Variants in PTPRD observed in about 807,000 individuals in gnomAD.
PTPRD encodes receptor-type tyrosine-protein phosphatase delta.
A neutral mutation model predicts 214.5 loss-of-function variants in PTPRD; 34 were observed. The observed-to-expected ratio is 0.16, with a 90% confidence interval of 0.12 to 0.21. PTPRD has a LOEUF of 0.21. PTPRD is among the 10% of genes least tolerant of loss of function. The pLI is 1.00. For synonymous variants in PTPRD, 1,128 were observed against 845.7 expected (o/e 1.33, Z -5.79); for missense variants, 2,545 against 2,398.7 (o/e 1.06, Z -1.27).
chr9:9,056,474 T>C (rs1459383524), intron 10 of PTPRD, among the ~76,000 whole-genome samples: 1 of 152,218 alleles, frequency 6.6e-6, no homozygotes, highest in African/African-American at 2.4e-5. Flanking sequence ...TTTGAATTCC[T>C]CATCTGATCA....
intron 4 of PTPRD, among the ~76,000 whole-genome samples, chr9:9,964,043 GAC>G (rs2094520889): frequency 9.7e-6 from 1 of 103,332 alleles, no homozygotes; most frequent in African/African-American, 2.7e-5. Context: ...GACAGAGCCA[GAC>G]AGAGGCAGAG....
In PTPRD at chr9:8,711,319, T is replaced by C. The variant is rs923985146; in HGVS notation, c.64+22461A>G. On this transcript the variant is annotated intron_variant, in intron 12 of 45. Coordinates refer to ENST00000381196, the MANE Select transcript of PTPRD (RefSeq NM_002839.4). ...GCCTTTTAATCAAATATATAATTAT[T>C]AAAATATTCTTGAGGGATATAATTG... 2.0e-5 allele frequency among the ~76,000 whole-genome samples: 3 copies of C among 152,098 alleles called. No homozygotes were observed. The South Asian group carries it at 6.2e-4, about 31-fold the overall frequency.
chr9:9,354,264 A>G (rs371737854), intron 9 of PTPRD, among the ~76,000 whole-genome samples: 1 of 151,864 alleles, frequency 6.6e-6, no homozygotes, highest in African/African-American at 2.4e-5. Flanking sequence ...TGGGATTTGT[A>G]CAGGGACATG....
chr9:9,484,712 CA>C (rs1420050265), intron 8 of PTPRD, among the ~76,000 whole-genome samples: 1 of 152,016 alleles, frequency 6.6e-6, no homozygotes, highest in African/African-American at 2.4e-5. Flanking sequence ...AAGGAAGAAA[CA>C]AAATTTTACG....
chr9:8,794,135 T>C (rs1472924558), intron 11 of PTPRD, among the ~76,000 whole-genome samples: 1 of 127,042 alleles, frequency 7.9e-6, no homozygotes, highest in Non-Finnish European at 1.8e-5. Context: ...TTTTTCCCCC[T>C]GTATTTGTGG....
chr9:10,015,406 G>T (rs1055234666), intron 4 of PTPRD, among the ~76,000 whole-genome samples: 4 of 117,656 alleles, frequency 3.4e-5, no homozygotes, highest in Admixed American at 1.7e-4. Context: ...ATGTGTCTAT[G>T]TGAAAATAAT....
At chr9:9,990,756 T>C (rs2095884026) in intron 4 of PTPRD, among the ~76,000 whole-genome samples, 1 of 152,212 alleles carries the variant, frequency 6.6e-6, no homozygotes, top group South Asian at 2.1e-4. Context: ...TTGGGCATTA[T>C]TACAAATATC....
At chr9:9,238,598 TAGTAGC>T (rs2099968538) in intron 9 of PTPRD, among the ~76,000 whole-genome samples, 2 of 152,062 alleles carry the variant, frequency 1.3e-5, no homozygotes, top group Non-Finnish European at 2.9e-5. Flanking sequence ...ACTTAAGAGC[TAGTAGC>T]ATGCTCACCA....
In PTPRD at chr9:9,797,885, T is replaced by C. The variant is rs150059100; in HGVS notation, c.-367-31034A>G. Among the ~76,000 whole-genome samples, 1,013 of 152,050 alleles carry C rather than the reference T, an allele frequency of 6.7e-3. 10 individuals carry two copies. The highest frequency in any genetic ancestry group is 0.023 in the African/African-American group (965 of 41,480). ...AAATAAAAAAAATCATCCTCTGTCA[T>C]AAAATTGGGAAGGAAGTAGTAATAA... On this transcript the variant is annotated intron_variant, in intron 5 of 45. Coordinates refer to ENST00000381196, the MANE Select transcript of PTPRD (RefSeq NM_002839.4).
intron 5 of PTPRD, 113 bp downstream of exon 5, chr9:9,938,394 T>C (rs2090313267): frequency 6.6e-6 from 1 of 152,312 alleles, no homozygotes; most frequent in South Asian, 2.1e-4. Context: ...TTTTCGTATT[T>C]TGAAAGCGTA....
intron 2 of PTPRD, among the ~76,000 whole-genome samples, chr9:10,553,657 G>A (rs900469246): frequency 1.3e-5 from 2 of 152,026 alleles, no homozygotes; most frequent in East Asian, 1.9e-4. Flanking sequence ...AAAGTGGCAT[G>A]TATAAATCAA....
At chr9:8,625,914 G>T (rs1481471539) in intron 14 of PTPRD, among the ~76,000 whole-genome samples, 1 of 150,280 alleles carries the variant, frequency 6.7e-6, no homozygotes, top group African/African-American at 2.4e-5. Context: ...AACATATTAA[G>T]AATATGGGAT....
chr9:10,106,582 A>T (rs569282636), intron 3 of PTPRD, among the ~76,000 whole-genome samples: 1 of 152,076 alleles, frequency 6.6e-6, no homozygotes, highest in African/African-American at 2.4e-5. Context: ...CTCAGCCTCT[A>T]ACAAGAAGTA....
rs558536215 is a variant in PTPRD at position 8,488,203 on chromosome 9, T to C, written c.2468-1854A>G. ...CCTCAGAGATGGACTGATTAGCCTCTTCATTTTGTATTTCAGAAAGTGAAA... is the reference window on the plus strand; with the variant it reads ...CCTCAGAGATGGACTGATTAGCCTCCTCATTTTGTATTTCAGAAAGTGAAA... On this transcript the variant is annotated intron_variant, in intron 27 of 45. Transcript: ENST00000381196. Among the ~76,000 whole-genome samples, 5 of 152,308 alleles carry C rather than the reference T, an allele frequency of 3.3e-5. No homozygotes were observed. The East Asian group carries it at 9.6e-4, about 29-fold the overall frequency.
chr9:10,495,904 C>T (rs1291181647), intron 2 of PTPRD, among the ~76,000 whole-genome samples: 1 of 151,412 alleles, frequency 6.6e-6, no homozygotes, highest in African/African-American at 2.4e-5. Flanking sequence ...ATTTTACTAC[C>T]ATATAGAGAA....
Position 8,473,069 on chromosome 9 carries a change from A to G in PTPRD, c.3414-1984T>C, listed in dbSNP as rs2096687575. Among the ~76,000 whole-genome samples the G allele has an allele frequency of 2.0e-5, 3 of 152,168 alleles. No individual in the cohort carries two copies. The South Asian group carries it at 6.2e-4, about 32-fold the overall frequency. ...CAGGCCGGAGAGACGCATCTGAACTATCTTATTCAGTAAGACTGCATGAAA... is the reference window on the plus strand; with the variant it reads ...CAGGCCGGAGAGACGCATCTGAACTGTCTTATTCAGTAAGACTGCATGAAA... On this transcript the variant is annotated intron_variant, in intron 30 of 45. Coordinates refer to ENST00000381196, the MANE Select transcript of PTPRD (RefSeq NM_002839.4).
intron 8 of PTPRD, among the ~76,000 whole-genome samples, chr9:9,481,804 G>C (rs1284261003): frequency 6.6e-6 from 1 of 152,098 alleles, no homozygotes; most frequent in East Asian, 1.9e-4. Flanking sequence ...AACAGAGTTT[G>C]AGCTCTGCTC....
At chr9:10,563,170 T>C (rs905298203) in intron 2 of PTPRD, among the ~76,000 whole-genome samples, 2 of 152,188 alleles carry the variant, frequency 1.3e-5, no homozygotes, top group Non-Finnish European at 2.9e-5. Context: ...CATTCCTGAC[T>C]GTCAGCAGTG....
At chr9:10,572,969 A>C (rs1002480320) in intron 2 of PTPRD, among the ~76,000 whole-genome samples, 1 of 152,148 alleles carries the variant, frequency 6.6e-6, no homozygotes, top group African/African-American at 2.4e-5. Flanking sequence ...GGATGCATCC[A>C]TTCCAGATGA....
Sources: allele counts gnomAD v4.1 joint callset (sites outside exome capture counted in the v4.1 genomes callset), GRCh38; gene constraint gnomAD v4.1.1; transcripts MANE v1.5; gene names NCBI Gene and HGNC (gene_info 2026-07-23, HGNC 2026-07-21).